The following WFDC1 variants were observed in gnomAD, a reference collection of about 807,000 sequenced individuals.
WFDC1 encodes the protein WAP four-disulfide core domain 1.
Under a neutral mutation model 32.9 loss-of-function variants are expected in WFDC1, and 39 were observed. The observed-to-expected ratio is 1.19, with a 90% CI of 0.92 to 1.55. The LOEUF (loss-of-function observed/expected upper bound fraction) is 1.55. WFDC1 is among the 40% of genes most tolerant of loss of function. The pLI is 0.00. For synonymous variants in WFDC1, 184 were observed against 137.4 expected (o/e 1.34, Z -2.37); for missense variants, 386 against 309.5 (o/e 1.25, Z -1.85).
At chr16:84,308,796 C>T (rs576378127) in intron 1 of WFDC1, among the ~76,000 whole-genome samples, 77 of 151,160 alleles carry the variant, frequency 5.1e-4, no homozygotes, top group South Asian at 4.0e-3. Context: ...TGAGTGTAGA[C>T]GCCAGCCTGG....
Position 84,311,394 on chromosome 16 carries a change from T to TTTTTTTA in WFDC1, c.145-1561_145-1560insATTTTTT, listed in dbSNP as rs1423848036. Among the ~76,000 whole-genome samples, 3 of 81,412 alleles carry TTTTTTTA rather than the reference T, an allele frequency of 3.7e-5. No homozygotes were observed. In the East Asian group the frequency reaches 9.7e-4, roughly 26 times the overall value. 53.4% of individuals were successfully genotyped at this position (81,412 alleles called of 152,430 possible). On this transcript the variant is annotated intron_variant, in intron 1 of 6. Coordinates refer to ENST00000219454, the MANE Select transcript of WFDC1 (RefSeq NM_021197.4). Reference sequence around the variant, plus strand: ...CACCACGCCCGGCTAATTTTTTTTCTTTTTTTTGTATTTTTAGTAGAGACG... The same window carrying TTTTTTTA: ...CACCACGCCCGGCTAATTTTTTTTCTTTTTTTATTTTTTTGTATTTTTAGTAGAGACG...
At chr16:84,308,008 G>A (rs1264672793) in intron 1 of WFDC1, among the ~76,000 whole-genome samples, 2 of 152,162 alleles carry the variant, frequency 1.3e-5, no homozygotes, top group East Asian at 1.9e-4. Flanking sequence ...TTAAGGCCTC[G>A]TCTCCATATC....
chr16:84,321,293 A>G (rs965627542), intron 4 of WFDC1, among the ~76,000 whole-genome samples: 4 of 152,214 alleles, frequency 2.6e-5, no homozygotes, highest in Non-Finnish European at 5.9e-5. Flanking sequence ...CAAGCACAGT[A>G]AACAACCTTC....
chr16:84,301,184 C>T (rs930268356), intron 1 of WFDC1, among the ~76,000 whole-genome samples: 2 of 152,162 alleles, frequency 1.3e-5, no homozygotes, highest in Admixed American at 6.5e-5. Flanking sequence ...GGAACCAACC[C>T]TGCCAGACAC....
At chr16:84,297,205 A>G (rs916558433) in intron 1 of WFDC1, among the ~76,000 whole-genome samples, 7 of 152,142 alleles carry the variant, frequency 4.6e-5, no homozygotes, top group African/African-American at 1.7e-4. Flanking sequence ...ACTTGTAGCC[A>G]CCACTGGTCA....
intron 1 of WFDC1, among the ~76,000 whole-genome samples, chr16:84,299,233 GCA>G: frequency 6.6e-6 from 1 of 151,924 alleles, no homozygotes; most frequent in Non-Finnish European, 1.5e-5. Flanking sequence ...GCATGGTGGC[GCA>G]TGCCTGTAAT....
At chr16:84,322,331 A>G (rs765756508) in intron 4 of WFDC1, among the ~76,000 whole-genome samples, 5 of 152,158 alleles carry the variant, frequency 3.3e-5, no homozygotes, top group Non-Finnish European at 7.3e-5. Context: ...GTTTGAAAAC[A>G]TTTTGAATTC....
chr16:84,324,418 GA>G lies in WFDC1; in HGVS notation c.563del (p.Asp188ValfsTer40). On this transcript the variant is annotated frameshift_variant and splice_region_variant, in exon 5 of 7. Transcript: ENST00000219454. LOFTEE classifies it high-confidence loss of function. Reference protein sequence around the residue: ...GQCVKQRRQADGRILRHKLYK... With the variant: ...GQCVKQRRQAXGRILRHKLYK... ...GTTTTTTCCTCTCACTTGTTTTCCA[GA>G]TGGGCGAATCCTACGACACAAACTT... 6.2e-7 allele frequency: 1 copy of G among 1,613,762 alleles called. No homozygotes were observed. Among genetic ancestry groups the G allele is most frequent in the Admixed American group, 1.7e-5 (1 of 59,936 alleles).
intron 1 of WFDC1, among the ~76,000 whole-genome samples, chr16:84,307,144 C>T (rs924365099): frequency 2.0e-5 from 3 of 151,992 alleles, no homozygotes; most frequent in Non-Finnish European, 4.4e-5. Context: ...AGGTCAGAGA[C>T]GTGGAGGGGG....
intron 1 of WFDC1, among the ~76,000 whole-genome samples, chr16:84,305,426 G>A (rs1907193849): frequency 6.6e-6 from 1 of 152,250 alleles, no homozygotes; most frequent in Non-Finnish European, 1.5e-5. Flanking sequence ...TCTGCGAGTT[G>A]TTTGCCCTGG....
At chr16:84,327,837 G>C (rs1908690420) in intron 6 of WFDC1, 1 of 152,232 alleles carries the variant, frequency 6.6e-6, no homozygotes, top group Non-Finnish European at 1.5e-5. Flanking sequence ...CCAGCCTCTT[G>C]GTTGCTCAGC....
intron 4 of WFDC1, among the ~76,000 whole-genome samples, chr16:84,321,358 G>A (rs754244010): frequency 6.6e-6 from 1 of 152,184 alleles, no homozygotes; most frequent in Non-Finnish European, 1.5e-5. Flanking sequence ...GGTGGGTGGG[G>A]TGTATGGTCC....
chr16:84,310,602 C>T lies in WFDC1; in HGVS notation c.145-2359C>T, dbSNP rs538039689. Among the ~76,000 whole-genome samples the T allele has an allele frequency of 2.0e-5, 3 of 152,296 alleles. No individual in the cohort carries two copies. In the South Asian group the frequency reaches 6.2e-4, roughly 32 times the overall value. On this transcript the variant is annotated intron_variant, in intron 1 of 6. Transcript: ENST00000219454. ...ATTCTTCTCTCCAAAGGCACCTTTC[C>T]TAATGGTTTCTTGTGTGATCTTGTG...
chr16:84,305,945 G>T (rs1227240791), intron 1 of WFDC1, among the ~76,000 whole-genome samples: 1 of 152,000 alleles, frequency 6.6e-6, no homozygotes, highest in African/African-American at 2.4e-5. Flanking sequence ...GGAGGTTGCA[G>T]TGAGCTGAGA....
At chr16:84,313,947 C>T (rs1907800853) in intron 2 of WFDC1, among the ~76,000 whole-genome samples, 2 of 152,032 alleles carry the variant, frequency 1.3e-5, no homozygotes, top group South Asian at 4.1e-4. Context: ...GAGACTGAGG[C>T]AGGAGAATCA....
intron 4 of WFDC1, 25 bp from the exon 5 acceptor site, chr16:84,324,393 GT>G: frequency 6.2e-7 from 1 of 1,612,094 alleles, no homozygotes; most frequent in South Asian, 1.1e-5. Context: ...CCTAAAAGAA[GT>G]TTTTTCCTCT....
Position 84,309,115 on chromosome 16 carries a change from C to T in WFDC1, c.145-3846C>T, listed in dbSNP as rs558516186. Among the ~76,000 whole-genome samples the T allele has an allele frequency of 1.8e-4, 28 of 152,274 alleles. No homozygotes were observed. The Middle Eastern group carries it at 0.014, about 74-fold the overall frequency. On this transcript the variant is annotated intron_variant, in intron 1 of 6. Coordinates refer to ENST00000219454, the MANE Select transcript of WFDC1 (RefSeq NM_021197.4). Reference sequence around the variant, plus strand: ...CGCTCTGGTTGCCCGTCTGCTCTGCCGGATGAGACAAGCTCAGCTGGAGGA... The same window carrying T: ...CGCTCTGGTTGCCCGTCTGCTCTGCTGGATGAGACAAGCTCAGCTGGAGGA...
chr16:84,303,826 C>T (rs1907088524), intron 1 of WFDC1, among the ~76,000 whole-genome samples: 2 of 152,356 alleles, frequency 1.3e-5, no homozygotes, highest in African/African-American at 4.8e-5. Flanking sequence ...GTCAGTCCTC[C>T]TTCCCTCTTC....
At chr16:84,318,802 G>C (rs913679697) in intron 3 of WFDC1, 1 of 217,876 alleles carries the variant, frequency 4.6e-6, no homozygotes, top group South Asian at 7.9e-5. Flanking sequence ...CACACCTGCG[G>C]CTGTGCTTCT....
Sources: gnomAD v4.1 joint callset for allele counts (sites outside exome capture counted in the v4.1 genomes callset) on GRCh38, gnomAD v4.1.1 for gene constraint, MANE v1.5 for transcripts, NCBI Gene and HGNC (gene_info 2026-07-23, HGNC 2026-07-21) for gene names.